The following MEF2C variants were observed in gnomAD, a reference collection of about 807,000 sequenced individuals.
The protein encoded by MEF2C is myocyte enhancer factor 2C, also known as myocyte-specific enhancer factor 2C.
A neutral mutation model predicts 50.5 loss-of-function variants in MEF2C; 6 were observed. The ratio of observed to expected loss-of-function variants is 0.12; its 90% CI spans 0.07 to 0.23. The LOEUF (loss-of-function observed/expected upper bound fraction) is 0.23, where lower values mean the gene tolerates loss of function less well. Among genes scored for constraint, MEF2C ranks in the 10% least tolerant of loss-of-function variants. The probability of loss-of-function intolerance (pLI) is 1.00; values close to 1 mark genes in which losing one functional copy is unlikely to be tolerated. For missense variants in MEF2C, 276 were observed against 605.0 expected (o/e 0.46, Z 5.70); for synonymous variants, 183 against 228.0 (o/e 0.80, Z 1.78).
At chr5:88,766,657 A>G (rs1005745409) in intron 3 of MEF2C, 2 of 985,264 alleles carry the variant, frequency 2.0e-6, no homozygotes, top group South Asian at 9.4e-5. Context: ...CCCATTCTAC[A>G]TGCAGAGAAA....
At position 88,720,336 on chromosome 5, in the gene MEF2C, AT is replaced by A. The variant is rs3841444; in HGVS notation, c.*2267del. On this transcript the variant is annotated 3_prime_UTR_variant, in exon 11 of 11. Coordinates refer to ENST00000504921, the MANE Select transcript of MEF2C (RefSeq NM_002397.5). The stretch of plus-strand genomic sequence containing the variant: ...GGGATATATATGAAATGGTTGATAG[AT>A]TTTTTTTTTTTAATATATAAAACAT... The A allele has an allele frequency of 2.4e-3, 357 of 149,600 alleles. No homozygotes were observed. Among genetic ancestry groups the A allele is most frequent in the Middle Eastern group, 3.5e-3 (1 of 286 alleles). The allele number at this position is 149,600 out of a possible 1,614,324, so 9.3% of individuals were successfully genotyped here.
intron 1 of MEF2C, among the ~76,000 whole-genome samples, chr5:88,862,489 G>C (rs1825833861): frequency 6.6e-6 from 1 of 151,810 alleles, no homozygotes; most frequent in African/African-American, 2.4e-5. Context: ...TTTTCCTACT[G>C]GTATGACATC....
intron 1 of MEF2C, among the ~76,000 whole-genome samples, chr5:88,843,840 T>A (rs1276456472): frequency 2.0e-5 from 3 of 150,484 alleles, no homozygotes; most frequent in Non-Finnish European, 4.4e-5. Flanking sequence ...GGAGTCTTGC[T>A]GCTCTGTCAC....
At chr5:88,802,295 C>T (rs2153056329) in intron 3 of MEF2C, among the ~76,000 whole-genome samples, 1 of 152,234 alleles carries the variant, frequency 6.6e-6, no homozygotes, top group African/African-American at 2.4e-5. Flanking sequence ...CAACTCACCA[C>T]ACTGCACAAA....
At chr5:88,848,988 T>TA (rs1482160581) in intron 1 of MEF2C, among the ~76,000 whole-genome samples, 1 of 151,766 alleles carries the variant, frequency 6.6e-6, no homozygotes, top group Non-Finnish European at 1.5e-5. Flanking sequence ...CCGTCTCTAC[T>TA]AAAAATACAA....
At chr5:88,733,052 A>G (rs1026052565) in intron 6 of MEF2C, 38 of 983,392 alleles carry the variant, frequency 3.9e-5, no homozygotes, top group Non-Finnish European at 4.3e-5. Context: ...ATACTCATGG[A>G]AAACATAAAG....
chr5:88,728,155 C>G (rs1319179800), intron 10 of MEF2C, among the ~76,000 whole-genome samples: 1 of 151,858 alleles, frequency 6.6e-6, no homozygotes, highest in Non-Finnish European at 1.5e-5. Flanking sequence ...GAAAAATTCT[C>G]AAATATCTAA....
chr5:88,798,384 A>C (rs1796893268), intron 3 of MEF2C, among the ~76,000 whole-genome samples: 1 of 151,536 alleles, frequency 6.6e-6, no homozygotes, highest in South Asian at 2.1e-4. Context: ...TATTTCATTA[A>C]ATTTGATTTT....
chr5:88,720,424 T>C lies in MEF2C; in HGVS notation c.*2180A>G, dbSNP rs899421001. 1 of 152,534 alleles carries C rather than the reference T, an allele frequency of 6.6e-6. No individual in the cohort carries two copies. The highest frequency in any genetic ancestry group is 1.5e-5 in the Non-Finnish European group (1 of 67,992). The allele number at this position is 152,534 out of a possible 1,614,324, so 9.4% of individuals were successfully genotyped here. ...CCAAAGGTGCATTGTGGTCTAATTGTGGATTTCAGATCAAGTTAAGAAAAA... is the reference window on the plus strand; with the variant it reads ...CCAAAGGTGCATTGTGGTCTAATTGCGGATTTCAGATCAAGTTAAGAAAAA... On this transcript the variant is annotated 3_prime_UTR_variant, in exon 11 of 11. Transcript: ENST00000504921.
At chr5:88,747,219 C>G (rs893409755) in intron 6 of MEF2C, among the ~76,000 whole-genome samples, 1 of 150,536 alleles carries the variant, frequency 6.6e-6, no homozygotes, top group African/African-American at 2.5e-5. Context: ...CAACCAAACA[C>G]TTTTTATTTT....
intron 1 of MEF2C, among the ~76,000 whole-genome samples, chr5:88,830,700 T>C (rs978373660): frequency 2.6e-5 from 4 of 152,016 alleles, no homozygotes; most frequent in East Asian, 1.9e-4. Context: ...TAATTCAGGG[T>C]TCTATCATGT....
chr5:88,798,165 AC>A (rs1796783490), intron 3 of MEF2C, among the ~76,000 whole-genome samples: 1 of 152,070 alleles, frequency 6.6e-6, no homozygotes, highest in African/African-American at 2.4e-5. Flanking sequence ...CTCTGTATTT[AC>A]TGAATTTGAA....
chr5:88,861,642 A>G (rs1825569618), intron 1 of MEF2C, among the ~76,000 whole-genome samples: 1 of 152,210 alleles, frequency 6.6e-6, no homozygotes, highest in African/African-American at 2.4e-5. Flanking sequence ...CCTGATAAAT[A>G]TGCCCCTTTT....
intron 1 of MEF2C, among the ~76,000 whole-genome samples, chr5:88,882,215 C>A (rs1833101887): frequency 6.6e-6 from 1 of 152,188 alleles, no homozygotes; most frequent in Non-Finnish European, 1.5e-5. Flanking sequence ...AGTTTGGTAA[C>A]TTTCATTCCA....
Position 88,728,526 on chromosome 5 carries a change from T to C in MEF2C, c.1067A>G (p.His356Arg). The change falls in exon 10 of 11, where the codon CAT becomes CGT. Residue 356 changes from histidine to arginine, a missense_variant. Physicochemically the swap from His to Arg is conservative, Grantham distance 29. This residue lies in a region of MEF2C where 256 missense variants were observed against 468.1 expected (regional missense o/e 0.55). Coordinates refer to ENST00000504921, the MANE Select transcript of MEF2C (RefSeq NM_002397.5). ...SVTGWQQQHL[H>R]NMPPSALSQL... ...ACTGAGGGCAGATGGTGGCATGTTA[T>C]GTAGGTGTTGCTGTTGCCAGCCAGT... 6.5e-7 allele frequency: 1 copy of C among 1,534,682 alleles called. No homozygotes were observed. The highest frequency in any genetic ancestry group is 8.8e-7 in the Non-Finnish European group (1 of 1,137,510).
intron 1 of MEF2C, among the ~76,000 whole-genome samples, chr5:88,900,449 C>A (rs1835536139): frequency 6.6e-6 from 1 of 151,588 alleles, no homozygotes; most frequent in South Asian, 2.1e-4. Flanking sequence ...TTGATTTCTA[C>A]ATTTATCTTC....
rs745588042 is a variant in MEF2C, at chr5:88,804,613, G to A, written c.243C>T (p.Asn81=). The part of the protein sequence containing the change: ...EYNEPHESRT[N]SDIVETLRKK... Reference sequence around the variant, plus strand: ...GCTCTCTCACCTCCACGATGTCTGAGTTTGTCCGGCTCTCATGCGGCTCGT... The same window carrying A: ...GCTCTCTCACCTCCACGATGTCTGAATTTGTCCGGCTCTCATGCGGCTCGT... The change falls in exon 3 of 11, where the codon AAC becomes AAT. Residue 81 remains asparagine, a synonymous_variant. Transcript: ENST00000504921. 2 of 1,613,916 alleles carry A rather than the reference G, an allele frequency of 1.2e-6. No homozygotes were observed. The highest frequency in any genetic ancestry group is 1.7e-6 in the Non-Finnish European group (2 of 1,179,998).
At chr5:88,823,037 T>C (rs1212470975) in intron 2 of MEF2C, among the ~76,000 whole-genome samples, 1 of 151,962 alleles carries the variant, frequency 6.6e-6, no homozygotes, top group Admixed American at 6.6e-5. Context: ...AAGTCTTTAA[T>C]GCCAAACTGA....
Position 88,761,189 on chromosome 5 carries a change from A to G in MEF2C, c.398T>C (p.Leu133Ser). 1 of 1,614,010 alleles carries G rather than the reference A, an allele frequency of 6.2e-7. No homozygotes were observed. The highest frequency in any genetic ancestry group is 1.1e-5 in the South Asian group (1 of 91,076). The change falls in exon 4 of 11, where the codon TTG becomes TCG. Residue 133 changes from leucine (L) to serine (S), a missense_variant. By Grantham distance (145) the Leu-to-Ser change is moderately radical. Transcript: ENST00000504921. ...AAGGGTGTTCTGAGTACTTACACAC[A>G]ATCTTTGCCTGCTGATCATTAGATC... ...DIDLMISRQR[L>S]CAVPPPNFEM...
Sources: allele counts gnomAD v4.1 joint callset (sites outside exome capture counted in the v4.1 genomes callset), GRCh38; gene constraint gnomAD v4.1.1; regional missense constraint gnomAD v4.1.1; transcripts MANE v1.5; gene names NCBI Gene and HGNC (gene_info 2026-07-23, HGNC 2026-07-21).